Variants in KCNMA1 observed in about 807,000 individuals in gnomAD.
KCNMA1 encodes potassium calcium-activated channel subfamily M alpha 1, also known as Calcium-activated potassium channel subunit alpha-1.
A neutral mutation model predicts 140.0 loss-of-function variants in KCNMA1; 29 were observed. The observed-to-expected ratio is 0.21, with a 90% CI of 0.15 to 0.28. KCNMA1 has a LOEUF of 0.28. Among genes scored for constraint, KCNMA1 ranks in the 10% least tolerant of loss-of-function variants. The pLI, the probability that KCNMA1 is intolerant of heterozygous loss-of-function variation, is 1.00. For missense variants in KCNMA1, 880 were observed against 1,602.2 expected, an observed-to-expected ratio of 0.55 and a Z score of 7.70; for synonymous variants, 612 against 611.9, an observed-to-expected ratio of 1.00 and a Z score of 0.00.
chr10:77,469,729 T>G (rs1261662395), intron 1 of KCNMA1, among the ~76,000 whole-genome samples: 2 of 152,172 alleles, frequency 1.3e-5, no homozygotes, highest in African/African-American at 4.8e-5. Context: ...CTGTATGGCA[T>G]GGTAATTAAA....
intron 7 of KCNMA1, 30 bp downstream of exon 7, chr10:77,112,337 G>A (rs779491569): frequency 2.0e-5 from 31 of 1,539,596 alleles, no homozygotes; most frequent in East Asian, 1.8e-4. Context: ...GCAGGCAAGC[G>A]AGAGCAGAAG....
intron 1 of KCNMA1, among the ~76,000 whole-genome samples, chr10:77,452,741 G>A (rs138825657): frequency 6.6e-6 from 1 of 152,278 alleles, no homozygotes; most frequent in African/African-American, 2.4e-5. Flanking sequence ...TCAGTACTTA[G>A]CCTCCATCTG....
At chr10:77,565,621 C>T in intron 1 of KCNMA1, among the ~76,000 whole-genome samples, 1 of 152,192 alleles carries the variant, frequency 6.6e-6, no homozygotes, top group Non-Finnish European at 1.5e-5. Context: ...CTGTGCTCTT[C>T]CCAGTCACTC....
chr10:77,084,531 G>A, intron 12 of KCNMA1, 106 bp downstream of exon 12: 4 of 864,150 alleles, frequency 4.6e-6, no homozygotes, highest in Non-Finnish European at 7.6e-6. Context: ...GTGGCTTGTG[G>A]GGCAAAAAGG....
chr10:77,359,777 C>A (rs1426389556), intron 2 of KCNMA1, among the ~76,000 whole-genome samples: 1 of 152,172 alleles, frequency 6.6e-6, no homozygotes, highest in Non-Finnish European at 1.5e-5. Flanking sequence ...GTGGATCAAG[C>A]TTCACCCTGA....
intron 3 of KCNMA1, among the ~76,000 whole-genome samples, chr10:77,188,670 A>G (rs1174135701): frequency 1.3e-5 from 2 of 152,234 alleles, no homozygotes; most frequent in African/African-American, 2.4e-5. Context: ...CTACAGAGGA[A>G]AATGAGACTC....
Position 77,353,102 on chromosome 10 carries a change from AGAT to A in KCNMA1, c.540+50757_540+50759del, listed in dbSNP as rs546211403. Among the ~76,000 whole-genome samples the A allele has an allele frequency of 9.2e-5, 14 of 152,362 alleles. No individual in the cohort carries two copies. In the South Asian group the frequency reaches 2.7e-3, roughly 29 times the overall value. The stretch of plus-strand genomic sequence containing the variant: ...ATTAATGGGACAATCAGGATATTAC[AGAT>A]GAGAAGCACAGGCATTTCAAATGAG... On this transcript the variant is annotated intron_variant, in intron 2 of 27. Transcript: ENST00000286628.
At chr10:77,176,940 G>C (rs1366393568) in intron 5 of KCNMA1, among the ~76,000 whole-genome samples, 1 of 152,158 alleles carries the variant, frequency 6.6e-6, no homozygotes, top group South Asian at 2.1e-4. Flanking sequence ...GTAATCACAA[G>C]AGTCCTTAAA....
chr10:76,964,089 C>A (rs1307112216), intron 20 of KCNMA1, among the ~76,000 whole-genome samples: 3 of 151,952 alleles, frequency 2.0e-5, no homozygotes, highest in Non-Finnish European at 4.4e-5. Context: ...ACACATCCTT[C>A]AACAGGGCTT....
intron 2 of KCNMA1, among the ~76,000 whole-genome samples, chr10:77,397,515 T>C (rs980339971): frequency 2.0e-5 from 3 of 152,220 alleles, no homozygotes; most frequent in African/African-American, 4.8e-5. Context: ...TTTTGAGATG[T>C]ACAATAAATT....
At chr10:77,458,607 A>G (rs1202880663) in intron 1 of KCNMA1, among the ~76,000 whole-genome samples, 1 of 152,230 alleles carries the variant, frequency 6.6e-6, no homozygotes, top group Non-Finnish European at 1.5e-5. Context: ...TGGCAATTTC[A>G]TGTGGCTTAC....
At chr10:77,135,790 A>G (rs888414554) in intron 5 of KCNMA1, among the ~76,000 whole-genome samples, 1 of 152,206 alleles carries the variant, frequency 6.6e-6, no homozygotes, top group Non-Finnish European at 1.5e-5. Flanking sequence ...ATCTCATAGA[A>G]AGAGGGGCTG....
intron 23 of KCNMA1, among the ~76,000 whole-genome samples, chr10:76,934,805 T>C (rs1408126649): frequency 6.6e-6 from 1 of 152,148 alleles, no homozygotes; most frequent in South Asian, 2.1e-4. Context: ...TATAAGACAA[T>C]TTCTCTGGAC....
chr10:77,340,328 G>C (rs1375934196), intron 2 of KCNMA1, among the ~76,000 whole-genome samples: 1 of 152,170 alleles, frequency 6.6e-6, no homozygotes, highest in East Asian at 1.9e-4. Flanking sequence ...TCTAGAACTA[G>C]AAATACCATT....
intron 15 of KCNMA1, among the ~76,000 whole-genome samples, chr10:77,035,016 C>A (rs1321842884): frequency 1.3e-5 from 2 of 152,164 alleles, no homozygotes; most frequent in South Asian, 4.1e-4. Context: ...CCTCTGCCCT[C>A]CCTGGGGGTA....
chr10:77,423,646 G>GC (rs2096915478), intron 1 of KCNMA1, among the ~76,000 whole-genome samples: 1 of 152,144 alleles, frequency 6.6e-6, no homozygotes, highest in Non-Finnish European at 1.5e-5. Flanking sequence ...CCAAGTGAAT[G>GC]CCTTCTCTGC....
intron 14 of KCNMA1, among the ~76,000 whole-genome samples, chr10:77,039,889 T>TC (rs1286173359): frequency 3.1e-5 from 4 of 129,798 alleles, no homozygotes; most frequent in East Asian, 2.2e-4. Context: ...TTTTCTTTTT[T>TC]TTTTTTTTTT....
chr10:76,872,978 A>C (rs2031654852), downstream of KCNMA1: 1 of 152,144 alleles, frequency 6.6e-6, no homozygotes, highest in Non-Finnish European at 1.5e-5. Flanking sequence ...TGATTAAAAA[A>C]ATATGCCAAA....
chr10:77,445,871 C>T (rs1198690304), intron 1 of KCNMA1, among the ~76,000 whole-genome samples: 2 of 152,330 alleles, frequency 1.3e-5, no homozygotes, highest in Non-Finnish European at 2.9e-5. Flanking sequence ...AACACCCAAG[C>T]CAGGGCCTCT....
Sources: gnomAD v4.1 joint callset for allele counts (sites outside exome capture counted in the v4.1 genomes callset) on GRCh38, gnomAD v4.1.1 for gene constraint, MANE v1.5 for transcripts, NCBI Gene and HGNC (gene_info 2026-07-23, HGNC 2026-07-21) for gene names.